AZI2: variants seen among roughly 807,000 people sequenced by gnomAD.
AZI2 encodes 5-azacytidine-induced protein 2.
A neutral mutation model predicts 45.8 loss-of-function variants in AZI2; 22 were observed. The observed-to-expected ratio is 0.48, with a 90% CI of 0.34 to 0.69. AZI2 has a LOEUF of 0.69. AZI2 is among the 30% of genes least tolerant of loss of function. The pLI, the probability that AZI2 is intolerant of heterozygous loss-of-function variation, is 0.01. For missense variants in AZI2, 417 were observed against 441.5 expected, an observed-to-expected ratio of 0.94 and a Z score of 0.50; for synonymous variants, 137 against 156.7, an observed-to-expected ratio of 0.87 and a Z score of 0.94.
intron 5 of AZI2, among the ~76,000 whole-genome samples, chr3:28,336,434 A>T (rs73825129): frequency 0.026 from 3,979 of 152,128 alleles, 153 homozygotes; most frequent in African/African-American, 0.085. Context: ...CTTTACAGAG[A>T]AAAGGAAATT....
At chr3:28,325,153 A>G (rs1703342108) in intron 7 of AZI2, 1 of 150,502 alleles carries the variant, frequency 6.6e-6, no homozygotes. Context: ...CAGCCAAAAA[A>G]AAAAAGTTTT....
intron 2 of AZI2, among the ~76,000 whole-genome samples, chr3:28,338,948 T>G (rs1170606086): frequency 6.6e-6 from 1 of 151,964 alleles, no homozygotes; most frequent in Non-Finnish European, 1.5e-5. Flanking sequence ...CTAATTTCTA[T>G]AATCAGAAAA....
At chr3:28,335,068 A>C (rs1248453329) in intron 5 of AZI2, among the ~76,000 whole-genome samples, 1 of 152,078 alleles carries the variant, frequency 6.6e-6, no homozygotes, top group Non-Finnish European at 1.5e-5. Flanking sequence ...GGTTTAGAAG[A>C]CGTCTAAAGT....
intron 2 of AZI2, among the ~76,000 whole-genome samples, chr3:28,339,546 T>C (rs1703928885): frequency 6.6e-6 from 1 of 152,168 alleles, no homozygotes; most frequent in Non-Finnish European, 1.5e-5. Context: ...AAAGAAATTA[T>C]AATTATTTTA....
At chr3:28,324,523 C>A in intron 7 of AZI2, 69 bp from the exon 8 acceptor site, 2 of 1,316,522 alleles carry the variant, frequency 1.5e-6, no homozygotes, top group Non-Finnish European at 1.0e-6. Context: ...GATAACACTT[C>A]ACCAATTTGA....
chr3:28,335,199 G>A (rs748167848), intron 5 of AZI2, among the ~76,000 whole-genome samples: 2 of 151,976 alleles, frequency 1.3e-5, no homozygotes, highest in Non-Finnish European at 2.9e-5. Flanking sequence ...CAGTTAATAA[G>A]CAACACCAAA....
chr3:28,336,083 T>A (rs1425165785), intron 5 of AZI2, among the ~76,000 whole-genome samples: 3 of 152,200 alleles, frequency 2.0e-5, no homozygotes, highest in Middle Eastern at 3.4e-3. Flanking sequence ...CCAAGCTTGT[T>A]AGAACCTGAT....
intron 3 of AZI2, 77 bp from the exon 4 acceptor site, chr3:28,338,113 C>T (rs113552806): frequency 1.4e-6 from 1 of 729,450 alleles, no homozygotes; most frequent in Non-Finnish European, 2.0e-6. Context: ...CAGGAAGATA[C>T]TGAAAAAAAC....
chr3:28,326,284 G>T (rs1250910786), intron 7 of AZI2, among the ~76,000 whole-genome samples: 1 of 150,946 alleles, frequency 6.6e-6, no homozygotes, highest in East Asian at 1.9e-4. Flanking sequence ...GCAAAGCAAT[G>T]AAAATTTTTG....
chr3:28,329,244 CTCATTTTACA>C (rs764698579), intron 6 of AZI2, among the ~76,000 whole-genome samples: 3 of 151,092 alleles, frequency 2.0e-5, no homozygotes, highest in Non-Finnish European at 4.5e-5. Context: ...AGTGAGTAAC[CTCATTTTACA>C]CACGAGGAAA....
intron 7 of AZI2, 81 bp from the exon 8 acceptor site, chr3:28,324,535 T>A: frequency 8.1e-6 from 10 of 1,236,480 alleles, no homozygotes; most frequent in Non-Finnish European, 8.6e-6. Flanking sequence ...CCAATTTGAA[T>A]TCTAGAACTG....
chr3:28,340,948 C>A (rs1003721639), intron 1 of AZI2, among the ~76,000 whole-genome samples: 3 of 151,900 alleles, frequency 2.0e-5, no homozygotes, highest in Non-Finnish European at 2.9e-5. Flanking sequence ...TTCATTAAAA[C>A]AATCAAAATT....
chr3:28,330,183 T>C (rs1703521950), intron 6 of AZI2, among the ~76,000 whole-genome samples: 1 of 151,084 alleles, frequency 6.6e-6, no homozygotes, highest in Non-Finnish European at 1.5e-5. Flanking sequence ...TGGCAAGACA[T>C]TGGTTAAATT....
Position 28,323,509 on chromosome 3 carries a change from T to C in AZI2, c.*533A>G, listed in dbSNP as rs558441707. On this transcript the variant is annotated 3_prime_UTR_variant, in exon 8 of 8. Transcript: ENST00000479665. The stretch of plus-strand genomic sequence containing the variant: ...GTGACCAAAAAATCACTTTAAATCT[T>C]AAATATTGAAACGCAATAGCATATA... The C allele has an allele frequency of 6.6e-6, 1 of 151,648 alleles. No homozygotes were observed. Among genetic ancestry groups the C allele is most frequent in the South Asian group, 2.1e-4 (1 of 4,828 alleles). 9.4% of individuals were successfully genotyped at this position (151,648 alleles called of 1,614,324 possible).
chr3:28,344,527 G>A (rs1704148835), intron 1 of AZI2, among the ~76,000 whole-genome samples: 2 of 152,050 alleles, frequency 1.3e-5, no homozygotes, highest in Non-Finnish European at 2.9e-5. Flanking sequence ...AAAGGGAGCT[G>A]TGGTAATCAG....
intron 4 of AZI2, among the ~76,000 whole-genome samples, chr3:28,337,551 A>C (rs1703842273): frequency 6.6e-6 from 1 of 152,126 alleles, no homozygotes; most frequent in South Asian, 2.1e-4. Context: ...GGAAAGAAAA[A>C]GAAATTGTAA....
intron 2 of AZI2, among the ~76,000 whole-genome samples, chr3:28,339,210 T>G (rs1703917112): frequency 6.6e-6 from 1 of 152,158 alleles, no homozygotes; most frequent in South Asian, 2.1e-4. Context: ...ACTCCTGACT[T>G]CAGGCAATCC....
rs1703204591 is a variant in AZI2 at position 28,322,099 on chromosome 3, G to T, written c.*1943C>A. 6.6e-6 allele frequency: 1 copy of T among 150,880 alleles called. No homozygotes were observed. The highest frequency in any genetic ancestry group is 2.4e-5 in the African/African-American group (1 of 41,202). 9.3% of individuals were successfully genotyped at this position (150,880 alleles called of 1,614,324 possible). A position where few individuals can be genotyped will look rare whatever the true frequency, so the allele number is the denominator to read the frequency against. On this transcript the variant is annotated 3_prime_UTR_variant, in exon 8 of 8. Coordinates refer to ENST00000479665, the MANE Select transcript of AZI2 (RefSeq NM_022461.5). ...GTGTAGATTTAAAAGCTTCTAGCTG[G>T]GTAAAAAATTTTTGGCTAATCTTTC...
At chr3:28,338,375 A>T in intron 3 of AZI2, 118 bp downstream of exon 3, 1 of 1,131,778 alleles carries the variant, frequency 8.8e-7, no homozygotes, top group Non-Finnish European at 1.2e-6. Context: ...TGCCTTGAAC[A>T]TGTATACAAA....
Sources: gnomAD v4.1 joint callset for allele counts (sites outside exome capture counted in the v4.1 genomes callset) on GRCh38, gnomAD v4.1.1 for gene constraint, MANE v1.5 for transcripts, NCBI Gene and HGNC (gene_info 2026-07-23, HGNC 2026-07-21) for gene names.